Variants in AKAP6 observed in about 807,000 individuals in gnomAD.
The protein encoded by AKAP6 is A-kinase anchor protein 6.
Under a neutral mutation model 188.5 loss-of-function variants are expected in AKAP6, and 58 were observed. The ratio of observed to expected loss-of-function variants is 0.31; its 90% CI spans 0.25 to 0.38. The LOEUF (loss-of-function observed/expected upper bound fraction) is 0.38, where lower values mean the gene tolerates loss of function less well. AKAP6 is among the 10% of genes least tolerant of loss of function. The pLI, the probability that AKAP6 is intolerant of heterozygous loss-of-function variation, is 1.00. For missense variants in AKAP6, 2,710 were observed against 2,740.0 expected (o/e 0.99, Z 0.24); for synonymous variants, 989 against 998.6 (o/e 0.99, Z 0.18).
intron 2 of AKAP6, among the ~76,000 whole-genome samples, chr14:32,435,468 G>A (rs569415531): frequency 6.6e-6 from 1 of 152,228 alleles, no homozygotes; most frequent in Non-Finnish European, 1.5e-5. Flanking sequence ...TTAACATAGG[G>A]TTATATTTAG....
intron 2 of AKAP6, among the ~76,000 whole-genome samples, chr14:32,472,686 TG>T (rs1878846993): frequency 1.3e-5 from 2 of 152,286 alleles, no homozygotes; most frequent in South Asian, 4.1e-4. Context: ...ACACACAGCC[TG>T]GCTGCCAACT....
At chr14:32,457,984 A>G (rs938469996) in intron 2 of AKAP6, among the ~76,000 whole-genome samples, 18 of 152,210 alleles carry the variant, frequency 1.2e-4, no homozygotes, top group Middle Eastern at 3.2e-3. Flanking sequence ...TTATTTTCCA[A>G]TGACCAAAGT....
intron 5 of AKAP6, among the ~76,000 whole-genome samples, chr14:32,581,889 T>A (rs1263901618): frequency 6.6e-6 from 1 of 152,206 alleles, no homozygotes; most frequent in Non-Finnish European, 1.5e-5. Context: ...TATGTGTGTC[T>A]CTGCACATGA....
chr14:32,798,194 A>G (rs2033834414), intron 12 of AKAP6, among the ~76,000 whole-genome samples: 2 of 152,236 alleles, frequency 1.3e-5, no homozygotes, highest in Non-Finnish European at 2.9e-5. Flanking sequence ...CCACAATGAG[A>G]TGCCATCTTA....
intron 12 of AKAP6, among the ~76,000 whole-genome samples, chr14:32,812,118 G>A (rs756735991): frequency 1.3e-5 from 2 of 152,058 alleles, no homozygotes; most frequent in Non-Finnish European, 2.9e-5. Context: ...GTCAATCCCT[G>A]AGCAATGTCA....
rs769019870 is a variant in AKAP6, at chr14:32,824,742, A to G, written c.6929A>G (p.His2310Arg). 2 of 1,612,134 alleles carry G rather than the reference A, an allele frequency of 1.2e-6. No homozygotes were observed. The highest frequency in any genetic ancestry group is 1.7e-6 in the Non-Finnish European group (2 of 1,179,400). Residue 2310 changes from histidine to arginine, a missense_variant, in exon 13 of 14, where the codon CAT (histidine) becomes CGT (arginine). Physicochemically the swap from His to Arg is conservative, Grantham distance 29. Coordinates refer to ENST00000280979, the MANE Select transcript of AKAP6 (RefSeq NM_004274.5). The stretch of plus-strand genomic sequence containing the variant: ...TGTGAAGAAAATCTTCTAAACCTTC[A>G]TGAAAAACGACATAGAAATATGCAT... ...LTCEENLLNL[H>R]EKRHRNMHR
chr14:32,422,032 C>A (rs1423987503), intron 1 of AKAP6, among the ~76,000 whole-genome samples: 2 of 152,204 alleles, frequency 1.3e-5, no homozygotes, highest in African/African-American at 4.8e-5. Flanking sequence ...TAATAAACCT[C>A]CAGTCTTCTG....
chr14:32,830,432 C>A lies in AKAP6; in HGVS notation c.*627C>A, dbSNP rs2034798711. On this transcript the variant is annotated 3_prime_UTR_variant, in exon 14 of 14. Transcript: ENST00000280979. ...TCTATGCAGCATTTCAAGAAACAACCATATGGTGTTGTATATTATAAACTG... is the reference window on the plus strand; with the variant it reads ...TCTATGCAGCATTTCAAGAAACAACAATATGGTGTTGTATATTATAAACTG... 6.5e-6 allele frequency: 1 copy of A among 153,894 alleles called. No homozygotes were observed. Among genetic ancestry groups the A allele is most frequent in the Non-Finnish European group, 1.4e-5 (1 of 69,014 alleles). 9.5% of individuals were successfully genotyped at this position (153,894 alleles called of 1,614,324 possible).
chr14:32,402,175 C>T (rs943948748), intron 1 of AKAP6: 2 of 152,200 alleles, frequency 1.3e-5, no homozygotes, highest in African/African-American at 4.8e-5. Flanking sequence ...TTTCTACTGA[C>T]AGGTATTCTT....
chr14:32,496,253 G>C (rs550233443), intron 2 of AKAP6, among the ~76,000 whole-genome samples: 3 of 152,262 alleles, frequency 2.0e-5, no homozygotes, highest in Admixed American at 6.5e-5. Context: ...TGAATAGAGA[G>C]TTACAACTAA....
intron 7 of AKAP6, among the ~76,000 whole-genome samples, chr14:32,657,006 T>C (rs1047653337): frequency 3.3e-5 from 5 of 152,268 alleles, no homozygotes; most frequent in Admixed American, 2.6e-4. Flanking sequence ...ATACAGTTTA[T>C]AGAATAGGGG....
intron 4 of AKAP6, among the ~76,000 whole-genome samples, chr14:32,561,728 G>A (rs1008507689): frequency 1.3e-5 from 2 of 152,214 alleles, no homozygotes; most frequent in Admixed American, 1.3e-4. Flanking sequence ...TTTATAAGAT[G>A]CCAAGAGACC....
chr14:32,434,985 G>A (rs1890335286), intron 2 of AKAP6, among the ~76,000 whole-genome samples: 1 of 152,216 alleles, frequency 6.6e-6, no homozygotes, highest in Non-Finnish European at 1.5e-5. Context: ...AGTACAAAAA[G>A]GCAACAGAGA....
chr14:32,421,128 C>T (rs1407863791), intron 1 of AKAP6, among the ~76,000 whole-genome samples: 1 of 152,104 alleles, frequency 6.6e-6, no homozygotes, highest in Non-Finnish European at 1.5e-5. Flanking sequence ...TCTACTTCCA[C>T]CCCAAAGCTT....
At chr14:32,341,356 C>T (rs11849373) in intron 1 of AKAP6, among the ~76,000 whole-genome samples, 29,194 of 152,050 alleles carry the variant, frequency 0.19, 2,991 homozygotes, top group East Asian at 0.37. Context: ...TTAGGTCAAA[C>T]GGTATGGAAT....
rs548379971 is a variant in AKAP6 at position 32,829,633 on chromosome 14, T to A, written c.*43-215T>A. Among the ~76,000 whole-genome samples, 28 of 142,618 alleles carry A rather than the reference T, an allele frequency of 2.0e-4. No homozygotes were observed. In the East Asian group the frequency reaches 3.1e-3, roughly 16 times the overall value. The allele number at this position is 142,618 out of a possible 152,430, so 93.6% of individuals were successfully genotyped here. On this transcript the variant is annotated intron_variant, in intron 13 of 13. Transcript: ENST00000280979. ...ACGTCTTTTTAAAAAAAAAAAAAAA[T>A]CAATGTATTTTTCACATCTACGCTG...
At chr14:32,421,384 T>C (rs2138666379) in intron 1 of AKAP6, among the ~76,000 whole-genome samples, 1 of 152,264 alleles carries the variant, frequency 6.6e-6, no homozygotes, top group Non-Finnish European at 1.5e-5. Flanking sequence ...TACTTTACAT[T>C]CTGTGAGATT....
At chr14:32,344,175 G>C (rs1354691572) in intron 1 of AKAP6, among the ~76,000 whole-genome samples, 1 of 152,202 alleles carries the variant, frequency 6.6e-6, no homozygotes, top group Non-Finnish European at 1.5e-5. Flanking sequence ...CCTGCCATCA[G>C]GCATTGCCCA....
chr14:32,771,057 A>G (rs1256110998), intron 11 of AKAP6, among the ~76,000 whole-genome samples: 1 of 152,238 alleles, frequency 6.6e-6, no homozygotes, highest in Admixed American at 6.5e-5. Flanking sequence ...AATATAAACT[A>G]CTGATTCTAA....
Sources: gnomAD v4.1 joint callset for allele counts (sites outside exome capture counted in the v4.1 genomes callset) on GRCh38, gnomAD v4.1.1 for gene constraint, MANE v1.5 for transcripts, NCBI Gene and HGNC (gene_info 2026-07-23, HGNC 2026-07-21) for gene names.